Variants in CLIP1 observed in about 807,000 individuals in gnomAD.
The protein encoded by CLIP1 is CAP-Gly domain containing linker protein 1, also known as CAP-Gly domain-containing linker protein 1.
Under a neutral mutation model 161.6 loss-of-function variants are expected in CLIP1, and 66 were observed. The observed-to-expected ratio is 0.41, with a 90% CI of 0.33 to 0.50. CLIP1 has a LOEUF of 0.50. Ranked by LOEUF, CLIP1 falls within the 20% of genes least tolerant of loss-of-function variation. The pLI, the probability that CLIP1 is intolerant of heterozygous loss-of-function variation, is 0.27. For missense variants in CLIP1, 1,376 were observed against 1,702.0 expected (o/e 0.81, Z 3.37); for synonymous variants, 598 against 626.2 (o/e 0.96, Z 0.67).
At position 122,412,245 on chromosome 12, in the gene CLIP1, G is replaced by A. The variant is rs933142904; in HGVS notation, c.-107+10276C>T. ...CCATCCCTGGCTAACTTTTGTTTTT[G>A]TAGAAATGGAGTTTTGCCATGTTGC... On this transcript the variant is annotated intron_variant, in intron 1 of 25. Transcript: ENST00000620786. Among the ~76,000 whole-genome samples, 4 of 150,626 alleles carry A rather than the reference G, an allele frequency of 2.7e-5. No homozygotes were observed. The East Asian group carries it at 5.9e-4, about 22-fold the overall frequency.
intron 1 of CLIP1, among the ~76,000 whole-genome samples, chr12:122,393,281 C>T (rs1366571048): frequency 1.3e-5 from 2 of 152,048 alleles, no homozygotes; most frequent in Non-Finnish European, 2.9e-5. Context: ...CTGCCTCAAC[C>T]TCCCAAGTAG....
intron 1 of CLIP1, among the ~76,000 whole-genome samples, chr12:122,393,314 C>T (rs901338235): frequency 6.6e-6 from 1 of 152,004 alleles, no homozygotes; most frequent in African/African-American, 2.4e-5. Flanking sequence ...GCGTGTGCCA[C>T]CATGCCCAGC....
In CLIP1 at chr12:122,331,014, T is replaced by TTA. The variant is rs1192826259; in HGVS notation, c.2867+1972_2867+1973insTA. ...TCGCTCCCTCCCTTCCTTTTTATTATTTATTTATTTTTTTTTTGAGACGGA... is the reference window on the plus strand; with the variant it reads ...TCGCTCCCTCCCTTCCTTTTTATTATTATTATTTATTTTTTTTTTGAGACGGA... On this transcript the variant is annotated intron_variant, in intron 15 of 25. Coordinates refer to ENST00000620786, the MANE Select transcript of CLIP1 (RefSeq NM_001247997.2). 2.1e-3 allele frequency among the ~76,000 whole-genome samples: 318 copies of TTA among 149,374 alleles called. 2 individuals are homozygous for TTA. The highest frequency in any genetic ancestry group is 4.8e-3 in the African/African-American group (188 of 38,992).
chr12:122,300,195 G>A (rs1297680358), intron 20 of CLIP1, among the ~76,000 whole-genome samples: 1 of 152,144 alleles, frequency 6.6e-6, no homozygotes, highest in Non-Finnish European at 1.5e-5. Context: ...GCTTGAGCCA[G>A]GGCAGTAGAG....
chr12:122,294,346 A>AC (rs886936137), intron 20 of CLIP1, among the ~76,000 whole-genome samples: 2 of 144,808 alleles, frequency 1.4e-5, no homozygotes, highest in African/African-American at 5.2e-5. Context: ...AAAAAAAACA[A>AC]AAAAAAAAAC....
chr12:122,324,309 A>G (rs1487708279), intron 17 of CLIP1: 3 of 152,600 alleles, frequency 2.0e-5, no homozygotes, highest in African/African-American at 4.8e-5. Flanking sequence ...TGCTTCTCTG[A>G]TTTCAGACCC....
intron 11 of CLIP1, among the ~76,000 whole-genome samples, chr12:122,339,299 C>T (rs554387481): frequency 6.6e-5 from 10 of 152,062 alleles, no homozygotes; most frequent in East Asian, 5.8e-4. Context: ...CAAGCTCTTA[C>T]CCTTAATTTT....
intron 19 of CLIP1, among the ~76,000 whole-genome samples, chr12:122,315,159 T>C (rs1951212901): frequency 6.6e-6 from 1 of 152,212 alleles, no homozygotes; most frequent in Admixed American, 6.5e-5. Flanking sequence ...ACAAATAGTA[T>C]TGAGGATGAT....
chr12:122,349,894 G>GT (rs1351067872), intron 9 of CLIP1, among the ~76,000 whole-genome samples: 105 of 70,716 alleles, frequency 1.5e-3, no homozygotes, highest in Middle Eastern at 7.2e-3. Flanking sequence ...GTGTTTTTTT[G>GT]TTTTTTTTGT....
Position 122,316,850 on chromosome 12 carries a change from G to A in CLIP1, c.3372C>T (p.Asp1124=). The change falls in exon 19 of 26, where the codon GAC becomes GAT. Residue 1124 remains aspartate, a synonymous_variant. Transcript: ENST00000620786. The stretch of plus-strand genomic sequence containing the variant: ...TTTTCAAGTTGTTTTCTTTAAGTGT[G>A]TCCAACTTAAAGACCAAGAGAAAAA... ...QTNAKLQNEL[D]TLKENNLKNV... is the part of the protein sequence containing the mutation. The A allele has an allele frequency of 6.5e-7, 1 of 1,543,222 alleles. No individual in the cohort carries two copies. The highest frequency in any genetic ancestry group is 8.7e-7 in the Non-Finnish European group (1 of 1,145,394).
In CLIP1 at chr12:122,340,880, T is replaced by C; in HGVS notation, c.2324A>G (p.Asp775Gly). The C allele has an allele frequency of 6.2e-7, 1 of 1,614,232 alleles. No homozygotes were observed. The highest frequency in any genetic ancestry group is 1.1e-5 in the South Asian group (1 of 91,076). ...QLKATEEKLLDLDALRKASSE... is the reference protein window; with the variant it reads ...QLKATEEKLLGLDALRKASSE... Reference sequence around the variant, plus strand: ...ACTGGCTTTCCGAAGTGCATCAAGATCCAAGAGCTTTTCTTCAGTAGCCTT... The same window carrying C: ...ACTGGCTTTCCGAAGTGCATCAAGACCCAAGAGCTTTTCTTCAGTAGCCTT... Residue 775 changes from aspartate to glycine, a missense_variant, in exon 11 of 26, where the codon GAT (aspartate) becomes GGT (glycine). By Grantham distance (94) the Asp-to-Gly change is moderately conservative. This residue lies in a region of CLIP1 where 948 missense variants were observed against 1,134.8 expected (regional missense o/e 0.84). Transcript: ENST00000620786.
Position 122,279,872 on chromosome 12 carries a change from G to A in CLIP1, c.3648-727C>T, listed in dbSNP as rs1204668352. ...GAGCCTGGAAGGAGAAATTCAGAGC[G>A]CCTGGTTTATGTTCTCGGCCTGACT... On this transcript the variant is annotated intron_variant, in intron 21 of 25. Coordinates refer to ENST00000620786, the MANE Select transcript of CLIP1 (RefSeq NM_001247997.2). This position sits in a 1 kb window ranked among gnomAD's most constrained non-coding sequence, Gnocchi z 4.5. 6.6e-5 allele frequency: 10 copies of A among 152,294 alleles called. No homozygotes were observed. Among genetic ancestry groups the A allele is most frequent in the African/African-American group, 2.2e-4 (9 of 41,556 alleles). 9.4% of individuals were successfully genotyped at this position (152,294 alleles called of 1,614,324 possible).
chr12:122,411,961 C>T (rs1296386739), intron 1 of CLIP1, among the ~76,000 whole-genome samples: 1 of 151,430 alleles, frequency 6.6e-6, no homozygotes, highest in Non-Finnish European at 1.5e-5. Context: ...AGTTACTAAA[C>T]TGTATGGCAT....
intron 1 of CLIP1, among the ~76,000 whole-genome samples, chr12:122,385,518 A>C (rs1232872859): frequency 2.0e-5 from 3 of 152,132 alleles, no homozygotes; most frequent in Non-Finnish European, 4.4e-5. Flanking sequence ...AAAGGATAGG[A>C]GGTGGTGGTT....
In CLIP1 at chr12:122,271,919, G is replaced by A. The variant is rs1463433784; in HGVS notation, c.*956C>T. Reference sequence around the variant, plus strand: ...GGCTTATTGTTAATTGACTGCTGGGGATACCTGCCAGAGAAGGAAAAAAAA... The same window carrying A: ...GGCTTATTGTTAATTGACTGCTGGGAATACCTGCCAGAGAAGGAAAAAAAA... On this transcript the variant is annotated 3_prime_UTR_variant, in exon 26 of 26. Coordinates refer to ENST00000620786, the MANE Select transcript of CLIP1 (RefSeq NM_001247997.2). 1 of 152,406 alleles carries A rather than the reference G, an allele frequency of 6.6e-6. No individual in the cohort carries two copies. Among genetic ancestry groups the A allele is most frequent in the African/African-American group, 2.4e-5 (1 of 41,292 alleles). The allele number at this position is 152,406 out of a possible 1,614,324, so 9.4% of individuals were successfully genotyped here.
chr12:122,272,893 A>G lies in CLIP1; in HGVS notation c.4299T>C (p.Asn1433=). The change falls in exon 26 of 26, where the codon AAT becomes AAC. Residue 1433 remains asparagine (N), a synonymous_variant. Transcript: ENST00000620786. ...EMFGHWATNC[N]DDETF ...GGCTTCATCAGAAGGTTTCGTCGTC[A>G]TTGCAGTTGGTGGCCCAGTGTCCAA... 1 of 1,614,202 alleles carries G rather than the reference A, an allele frequency of 6.2e-7. No individual in the cohort carries two copies. Among genetic ancestry groups the G allele is most frequent in the Non-Finnish European group, 8.5e-7 (1 of 1,180,038 alleles).
At chr12:122,303,225 AC>A in intron 20 of CLIP1, among the ~76,000 whole-genome samples, 1 of 152,276 alleles carries the variant, frequency 6.6e-6, no homozygotes, top group Middle Eastern at 3.4e-3. Flanking sequence ...GTTTTACATA[AC>A]ACAAAGCACT....
chr12:122,325,229 TG>T lies in CLIP1; in HGVS notation c.3249+2717del. 1.3e-5 allele frequency among the ~76,000 whole-genome samples: 2 copies of T among 152,034 alleles called. 1 individual carries two copies. The highest frequency in any genetic ancestry group is 3.9e-4 in the East Asian group (2 of 5,164). ...TCCGCCACCGTGCCCGGCTAATTTT[TG>T]TATTTTTAGTAGAGACGGGGTTTCA... On this transcript the variant is annotated intron_variant, in intron 17 of 25. Transcript: ENST00000620786.
intron 1 of CLIP1, among the ~76,000 whole-genome samples, chr12:122,402,825 TAAC>T (rs1433345049): frequency 1.3e-5 from 2 of 152,198 alleles, no homozygotes. Context: ...ACCTCGTCTC[TAAC>T]AACAACAAAT....
Sources: gnomAD v4.1 joint callset for allele counts (sites outside exome capture counted in the v4.1 genomes callset) on GRCh38, gnomAD v4.1.1 for gene constraint, gnomAD v4.1.1 regional missense constraint, Gnocchi (gnomAD v3.1) non-coding constraint, MANE v1.5 for transcripts, NCBI Gene and HGNC (gene_info 2026-07-23, HGNC 2026-07-21) for gene names.